The following WLS variants were observed in gnomAD, a reference collection of about 807,000 sequenced individuals.
WLS encodes Wnt ligand secretion mediator.
A neutral mutation model predicts 62.8 loss-of-function variants in WLS; 23 were observed. That is an observed-to-expected ratio of 0.37 (90% CI 0.26 to 0.52). WLS has a LOEUF of 0.52. Among genes scored for constraint, WLS ranks in the 20% least tolerant of loss-of-function variants. The pLI is 0.92. For missense variants in WLS, 615 were observed against 697.3 expected, an observed-to-expected ratio of 0.88 and a Z score of 1.33; for synonymous variants, 246 against 244.1, an observed-to-expected ratio of 1.01 and a Z score of -0.07.
In WLS at chr1:68,224,936, G is replaced by A. The variant is rs577494364; in HGVS notation, c.106+7258C>T. Among the ~76,000 whole-genome samples, 13 of 152,270 alleles carry A rather than the reference G, an allele frequency of 8.5e-5. No homozygotes were observed. The South Asian group carries it at 2.7e-3, about 32-fold the overall frequency. ...ATTCAATCAAGGACTGTGGGCTTGA[G>A]TCTTAGCCCTCTCATTTACTATCTC... is the stretch of plus-strand genomic sequence containing the variant. On this transcript the variant is annotated intron_variant, in intron 1 of 11. Coordinates refer to ENST00000262348, the MANE Select transcript of WLS (RefSeq NM_024911.7).
chr1:68,105,485 CCAGA>C (rs1260378078), intron 11 of WLS, among the ~76,000 whole-genome samples: 18 of 152,088 alleles, frequency 1.2e-4, no homozygotes, highest in African/African-American at 3.4e-4. Flanking sequence ...GAAAAAGAAT[CCAGA>C]AAGAAAGAAA....
chr1:68,203,066 A>C (rs1390723051), intron 1 of WLS: 1 of 152,254 alleles, frequency 6.6e-6, no homozygotes, highest in Non-Finnish European at 1.5e-5. Context: ...AAATAATCAG[A>C]CATTTATTAT....
intron 1 of WLS, among the ~76,000 whole-genome samples, chr1:68,204,475 T>G (rs1345962239): frequency 6.6e-6 from 1 of 151,986 alleles, no homozygotes; most frequent in African/African-American, 2.4e-5. Flanking sequence ...GCCCGGCTAA[T>G]TTTTTGTATT....
chr1:68,153,603 G>A lies in WLS; in HGVS notation c.717C>T (p.Thr239=). ...TGATGAAGATGCTGGGCGTAAGGAA[G>A]GTCTTCATGGCAAACCACACCTTGG... The part of the protein sequence containing the change: ...GFTKVWFAMK[T]FLTPSIFIIM... Residue 239 remains threonine, a synonymous_variant, in exon 5 of 12, where the codon ACC becomes ACT. Transcript: ENST00000262348. 6.2e-7 allele frequency: 1 copy of A among 1,614,230 alleles called. No homozygotes were observed. Among genetic ancestry groups the A allele is most frequent in the Admixed American group, 1.7e-5 (1 of 60,036 alleles).
chr1:68,111,649 C>A (rs780714997), intron 11 of WLS, among the ~76,000 whole-genome samples: 16 of 152,100 alleles, frequency 1.1e-4, no homozygotes, highest in Non-Finnish European at 2.1e-4. Context: ...TTGAACGAGC[C>A]CTTTACATCT....
At chr1:68,131,924 C>A (rs1266452453) in intron 11 of WLS, among the ~76,000 whole-genome samples, 1 of 152,156 alleles carries the variant, frequency 6.6e-6, no homozygotes, top group Non-Finnish European at 1.5e-5. Context: ...ACAAGCCAGA[C>A]AGAGAGGTCT....
chr1:68,126,352 G>T lies in WLS; in HGVS notation c.1517-17C>A. On this transcript the variant is annotated splice_polypyrimidine_tract_variant and intron_variant, in intron 11 of 11. Transcript: ENST00000262348. Reference sequence around the variant, plus strand: ...CCAGATCGCCTGAAACAGGGTTTTCGGTGTTAGATGCATTCAAGGAGGAAG... The same window carrying T: ...CCAGATCGCCTGAAACAGGGTTTTCTGTGTTAGATGCATTCAAGGAGGAAG... 6.2e-7 allele frequency: 1 copy of T among 1,613,754 alleles called. No individual in the cohort carries two copies. The highest frequency in any genetic ancestry group is 8.5e-7 in the Non-Finnish European group (1 of 1,179,972).
intron 3 of WLS, among the ~76,000 whole-genome samples, chr1:68,158,756 A>C (rs1017574286): frequency 6.6e-6 from 1 of 152,264 alleles, no homozygotes; most frequent in African/African-American, 2.4e-5. Flanking sequence ...CTCTTATCTC[A>C]TCTTGCAGAA....
rs148128283 is a variant in WLS, at chr1:68,104,726, A to G, written c.1511-5973T>C. On this transcript the variant is annotated intron_variant, in intron 11 of 11. Transcript: ENST00000354777. ...GGAGTTTGATCAAGACCAGCCAGGG[A>G]AACATAGGGAGACCTCATCTCTACT... 5.5e-4 allele frequency among the ~76,000 whole-genome samples: 84 copies of G among 152,276 alleles called. 1 individual carries two copies. In the East Asian group the frequency reaches 0.014, roughly 26 times the overall value.
At chr1:68,231,838 G>T in intron 1 of WLS, 1 of 428,634 alleles carries the variant, frequency 2.3e-6, no homozygotes, top group South Asian at 1.9e-5. Context: ...GAGGAAAAGG[G>T]GGGGAACGCG....
rs559743865 is a variant in WLS at position 68,216,737 on chromosome 1, C to G, written c.106+15457G>C. 3.3e-5 allele frequency among the ~76,000 whole-genome samples: 5 copies of G among 152,250 alleles called. No homozygotes were observed. In the South Asian group the frequency reaches 1.0e-3, roughly 32 times the overall value. ...GCCCTGAGATGGAAAAAGGCAGCAGCATGAACAAGTAGAGGGTTAATGGTT... is the reference window on the plus strand; with the variant it reads ...GCCCTGAGATGGAAAAAGGCAGCAGGATGAACAAGTAGAGGGTTAATGGTT... On this transcript the variant is annotated intron_variant, in intron 1 of 11. Transcript: ENST00000262348.
At chr1:68,183,696 C>T (rs1327841792) in intron 2 of WLS, 2 of 267,686 alleles carry the variant, frequency 7.5e-6, no homozygotes, top group African/African-American at 4.6e-5. Context: ...AGTTGTCTTC[C>T]CTTGATGTCC....
intron 2 of WLS, 189 bp downstream of exon 2, chr1:68,193,766 C>T (rs1648499520): frequency 2.8e-6 from 2 of 702,920 alleles, no homozygotes; most frequent in Non-Finnish European, 4.6e-6. Flanking sequence ...ATAAGACTAC[C>T]TCAAGGAACC....
chr1:68,229,035 G>A (rs901391874), intron 1 of WLS, among the ~76,000 whole-genome samples: 1 of 148,036 alleles, frequency 6.8e-6, no homozygotes, highest in East Asian at 2.3e-4. Context: ...AGGCTACAAC[G>A]AAACAACAGC....
At chr1:68,110,007 TAAAAAAA>T (rs11290966) in intron 11 of WLS, among the ~76,000 whole-genome samples, 2 of 28,454 alleles carry the variant, frequency 7.0e-5, no homozygotes, top group East Asian at 1.0e-3. Flanking sequence ...ACACAAAAAG[TAAAAAAA>T]AAAAAAAAAA....
downstream of WLS, among the ~76,000 whole-genome samples, chr1:68,122,163 A>G (rs1646371745): frequency 6.6e-6 from 1 of 152,242 alleles, no homozygotes; most frequent in Non-Finnish European, 1.5e-5. Context: ...TATAGTTTCT[A>G]GAACTGACAA....
At chr1:68,130,891 T>TC (rs892119999) in intron 11 of WLS, among the ~76,000 whole-genome samples, 16 of 76,786 alleles carry the variant, frequency 2.1e-4, no homozygotes, top group East Asian at 5.3e-4. Context: ...TTCTTCTTCT[T>TC]TTTTTTTTTT....
intron 11 of WLS, among the ~76,000 whole-genome samples, chr1:68,128,052 C>T (rs1646461558): frequency 6.6e-6 from 1 of 152,224 alleles, no homozygotes; most frequent in Non-Finnish European, 1.5e-5. Flanking sequence ...GACTCATTGG[C>T]TGCTGCAGAG....
At chr1:68,165,816 C>A (rs1647051948) in intron 2 of WLS, among the ~76,000 whole-genome samples, 1 of 152,312 alleles carries the variant, frequency 6.6e-6, no homozygotes, top group South Asian at 2.1e-4. Flanking sequence ...TCAGAGGATG[C>A]AACGTACTTG....
Sources: gnomAD v4.1 joint callset for allele counts (sites outside exome capture counted in the v4.1 genomes callset) on GRCh38, gnomAD v4.1.1 for gene constraint, MANE v1.5 for transcripts, NCBI Gene and HGNC (gene_info 2026-07-23, HGNC 2026-07-21) for gene names.